FLOT2: variants seen among roughly 807,000 people sequenced by gnomAD.
FLOT2 encodes flotillin-2.
Under a neutral mutation model 54.9 loss-of-function variants are expected in FLOT2, and 35 were observed. That is an observed-to-expected ratio of 0.64 (90% confidence interval 0.49 to 0.84). The LOEUF is 0.84. Among genes scored for constraint, FLOT2 ranks in the 40% least tolerant of loss-of-function variants. The pLI, the probability that FLOT2 is intolerant of heterozygous loss-of-function variation, is 0.00. For missense variants in FLOT2, 464 were observed against 572.1 expected, an observed-to-expected ratio of 0.81 and a Z score of 1.93; for synonymous variants, 207 against 228.9, an observed-to-expected ratio of 0.90 and a Z score of 0.86.
chr17:28,884,121 G>T lies in FLOT2; in HGVS notation c.222+104C>A. The T allele has an allele frequency of 1.1e-6, 1 of 871,268 alleles. No individual in the cohort carries two copies. Among genetic ancestry groups the T allele is most frequent in the Non-Finnish European group, 1.9e-6 (1 of 517,624 alleles). 54.0% of individuals were successfully genotyped at this position (871,268 alleles called of 1,614,324 possible). On this transcript the variant is annotated intron_variant, in intron 3 of 10. Transcript: ENST00000394908. This position sits in a 1 kb window ranked among gnomAD's most constrained non-coding sequence, Gnocchi z 5.1. Reference sequence around the variant, plus strand: ...TGGGACTTGCGGGGGCTGGGGTGCTGGAGAGAGACTGCCCCTGGCTGCTGT... The same window carrying T: ...TGGGACTTGCGGGGGCTGGGGTGCTTGAGAGAGACTGCCCCTGGCTGCTGT...
chr17:28,889,415 T>C (rs2039606667), intron 1 of FLOT2, among the ~76,000 whole-genome samples: 1 of 151,980 alleles, frequency 6.6e-6, no homozygotes, highest in Admixed American at 6.6e-5. Context: ...CTGCAACCTC[T>C]GCCTCCTGGG....
chr17:28,886,878 T>G (rs1380856156), intron 2 of FLOT2, among the ~76,000 whole-genome samples: 2 of 152,202 alleles, frequency 1.3e-5, no homozygotes, highest in Non-Finnish European at 1.5e-5. Flanking sequence ...CCTGGGGCAC[T>G]GGCCATGCAG....
Position 28,883,778 on chromosome 17 carries a change from C to G in FLOT2, c.222+447G>C, listed in dbSNP as rs1229352786. On this transcript the variant is annotated intron_variant, in intron 3 of 10. Coordinates refer to ENST00000394908, the MANE Select transcript of FLOT2 (RefSeq NM_004475.3). The surrounding 1 kb of genome is among the most constrained non-coding windows in gnomAD (Gnocchi z 5.0). ...GTGGATCGGGGCAGGAAGCCCTCACCTAGGCCCTCAGCAGGGGATATGATG... is the reference window on the plus strand; with the variant it reads ...GTGGATCGGGGCAGGAAGCCCTCACGTAGGCCCTCAGCAGGGGATATGATG... Among the ~76,000 whole-genome samples, 1 of 152,098 alleles carries G rather than the reference C, an allele frequency of 6.6e-6. No individual in the cohort carries two copies. The highest frequency in any genetic ancestry group is 1.5e-5 in the Non-Finnish European group (1 of 68,028).
intron 2 of FLOT2, among the ~76,000 whole-genome samples, chr17:28,887,164 A>T (rs1048776863): frequency 1.4e-4 from 21 of 152,172 alleles, no homozygotes; most frequent in African/African-American, 4.8e-4. Context: ...AAAATGCAGC[A>T]GGAGGGGTCA....
rs2039480265 is a variant in FLOT2, at chr17:28,882,888, G to A, written c.347-197C>T. 1.6e-6 allele frequency: 1 copy of A among 633,872 alleles called. No individual in the cohort carries two copies. Among genetic ancestry groups the A allele is most frequent in the Non-Finnish European group, 2.7e-6 (1 of 364,654 alleles). The allele number at this position is 633,872 out of a possible 1,614,324, so 39.3% of individuals were successfully genotyped here. A position where few individuals can be genotyped will look rare whatever the true frequency, so the allele number is the denominator to read the frequency against. On this transcript the variant is annotated intron_variant, in intron 4 of 10. Transcript: ENST00000394908. This position sits in a 1 kb window ranked among gnomAD's most constrained non-coding sequence, Gnocchi z 5.6. ...GGCTGAATGAGGAAAAGTGTCCCAA[G>A]CAGCACTAGGTTCCTGAGCAGACCG...
chr17:28,897,640 G>T lies in FLOT2; in HGVS notation c.-66C>A. 7.4e-7 allele frequency: 1 copy of T among 1,352,964 alleles called. No individual in the cohort carries two copies. The highest frequency in any genetic ancestry group is 2.6e-4 in the Middle Eastern group (1 of 3,866). 83.8% of individuals were successfully genotyped at this position (1,352,964 alleles called of 1,614,324 possible). A position where few individuals can be genotyped will look rare whatever the true frequency, so the allele number is the denominator to read the frequency against. On this transcript the variant is annotated 5_prime_UTR_variant, in exon 1 of 11. Transcript: ENST00000394908. The surrounding 1 kb of genome is among the most constrained non-coding windows in gnomAD (Gnocchi z 4.4). The stretch of plus-strand genomic sequence containing the variant: ...CGGACAACAGCAGCGGGTCTGCAGC[G>T]CCGGCCGCGCCCAGCCTATCCCGCC...
rs2039768519 is a variant in FLOT2 at position 28,897,687 on chromosome 17, G to A, written c.-113C>T. On this transcript the variant is annotated 5_prime_UTR_variant, in exon 1 of 11. Transcript: ENST00000394908. This position sits in a 1 kb window ranked among gnomAD's most constrained non-coding sequence, Gnocchi z 4.4. ...CGCCACCCCCAGCGGCCGGCCGCCCGCTCGCTCGCCCGCGCCCCTCTGCGG... is the reference window on the plus strand; with the variant it reads ...CGCCACCCCCAGCGGCCGGCCGCCCACTCGCTCGCCCGCGCCCCTCTGCGG... The A allele has an allele frequency of 1.1e-5, 11 of 976,096 alleles. No individual in the cohort carries two copies. The highest frequency in any genetic ancestry group is 4.1e-5 in the South Asian group (1 of 24,514). 60.5% of individuals were successfully genotyped at this position (976,096 alleles called of 1,614,324 possible).
chr17:28,890,163 T>C (rs1445239367), intron 1 of FLOT2, among the ~76,000 whole-genome samples: 4 of 152,146 alleles, frequency 2.6e-5, no homozygotes, highest in Admixed American at 2.6e-4. Context: ...AATGACTTTG[T>C]TCCTCTCATG....
At position 28,897,664 on chromosome 17, in the gene FLOT2, C is replaced by T; in HGVS notation, c.-90G>A. The T allele has an allele frequency of 8.6e-7, 1 of 1,169,340 alleles. No homozygotes were observed. The highest frequency in any genetic ancestry group is 1.1e-6 in the Non-Finnish European group (1 of 911,980). 72.4% of individuals were successfully genotyped at this position (1,169,340 alleles called of 1,614,324 possible). A position where few individuals can be genotyped will look rare whatever the true frequency, so the allele number is the denominator to read the frequency against. On this transcript the variant is annotated 5_prime_UTR_variant, in exon 1 of 11. Coordinates refer to ENST00000394908, the MANE Select transcript of FLOT2 (RefSeq NM_004475.3). This position sits in a 1 kb window ranked among gnomAD's most constrained non-coding sequence, Gnocchi z 4.4. ...CGCCGGCCGCGCCCAGCCTATCCCGCCACCCCCAGCGGCCGGCCGCCCGCT... is the reference window on the plus strand; with the variant it reads ...CGCCGGCCGCGCCCAGCCTATCCCGTCACCCCCAGCGGCCGGCCGCCCGCT...
intron 8 of FLOT2, 98 bp from the exon 9 acceptor site, chr17:28,881,473 G>A: frequency 7.8e-7 from 1 of 1,274,652 alleles, no homozygotes; most frequent in South Asian, 1.3e-5. Context: ...CTGCTCTGGG[G>A]GCTGTCGGGG....
At position 28,887,182 on chromosome 17, in the gene FLOT2, TG is replaced by T. The variant is rs1360954971; in HGVS notation, c.131+1762del. Among the ~76,000 whole-genome samples the T allele has an allele frequency of 3.3e-5, 5 of 152,134 alleles. No individual in the cohort carries two copies. In the East Asian group the frequency reaches 9.7e-4, roughly 29 times the overall value. ...ATGCAGCAGGAGGGGTCACTGAGCC[TG>T]GAAGAAGAATGGCTGACCCCAAGGG... On this transcript the variant is annotated intron_variant, in intron 2 of 10. Transcript: ENST00000394908.
At chr17:28,886,062 G>GGGGGCGGCAT in intron 2 of FLOT2, 2 of 619,294 alleles carry the variant, frequency 3.2e-6, no homozygotes, top group South Asian at 3.1e-5. Context: ...TGGGGGCGGG[G>GGGGGCGGCAT]GGGGGCATGC....
At chr17:28,889,082 C>G in intron 1 of FLOT2, 56 bp from the exon 2 acceptor site, 1 of 1,473,016 alleles carries the variant, frequency 6.8e-7, no homozygotes, top group Non-Finnish European at 9.5e-7. Context: ...TGTCTACCCT[C>G]CAGCCCACTG....
rs761527007 is a variant in FLOT2, at chr17:28,881,937, C to T, written c.791G>A (p.Arg264His). 4 of 1,614,072 alleles carry T rather than the reference C, an allele frequency of 2.5e-6. No individual in the cohort carries two copies. In the South Asian group the frequency reaches 3.3e-5, roughly 13 times the overall value. ...TGCCTCCACGGCAATCTGTTTCTTG[C>T]GCTGCACAACCTCAATCTCAATCTC... ...QEEIEIEVVQ[R>H]KKQIAVEAQE... is the part of the protein sequence containing the mutation. Residue 264 changes from arginine to histidine, a missense_variant, in exon 8 of 11, where the codon CGC becomes CAC. By Grantham distance (29) the Arg-to-His change is conservative (BLOSUM62 0). Transcript: ENST00000394908.
chr17:28,893,649 A>G lies in FLOT2; in HGVS notation c.49+3877T>C, dbSNP rs572843125. ...TTTTATACTCAGTACCTGTTTTAAG[A>G]AAAAAACAAGGAAGTGAAATCAAAG... On this transcript the variant is annotated intron_variant, in intron 1 of 10. Transcript: ENST00000394908. 2.3e-3 allele frequency among the ~76,000 whole-genome samples: 357 copies of G among 152,312 alleles called. 2 individuals carry two copies. Among genetic ancestry groups the G allele is most frequent in the Middle Eastern group, 0.014 (4 of 294 alleles).
chr17:28,890,210 C>T (rs1006817066), intron 1 of FLOT2, among the ~76,000 whole-genome samples: 20 of 152,118 alleles, frequency 1.3e-4, no homozygotes, highest in Non-Finnish European at 7.4e-5. Flanking sequence ...AAAACAAAGG[C>T]TAACTTGTGG....
At chr17:28,891,801 CTG>C (rs2039655804) in intron 1 of FLOT2, among the ~76,000 whole-genome samples, 2 of 152,130 alleles carry the variant, frequency 1.3e-5, no homozygotes, top group African/African-American at 4.8e-5. Context: ...GAATGGGAAA[CTG>C]GGGACAAATT....
At chr17:28,885,656 C>T (rs1291042414) in intron 2 of FLOT2, 3 of 717,612 alleles carry the variant, frequency 4.2e-6, no homozygotes, top group East Asian at 2.7e-5. Flanking sequence ...TGTTTCCCCA[C>T]TTGCAGTCCA....
chr17:28,889,610 G>A (rs1161024812), intron 1 of FLOT2, among the ~76,000 whole-genome samples: 2 of 151,600 alleles, frequency 1.3e-5, no homozygotes, highest in Middle Eastern at 3.2e-3. Flanking sequence ...GGCATTACAG[G>A]TGTGAGCCAC....
Sources: gnomAD v4.1 joint callset for allele counts (sites outside exome capture counted in the v4.1 genomes callset) on GRCh38, gnomAD v4.1.1 for gene constraint, Gnocchi (gnomAD v3.1) non-coding constraint, MANE v1.5 for transcripts, NCBI Gene and HGNC (gene_info 2026-07-23, HGNC 2026-07-21) for gene names.